The following MAPK14 variants were observed in gnomAD, a reference collection of about 807,000 sequenced individuals.
MAPK14 encodes CSAID-binding protein.
A neutral mutation model predicts 49.6 loss-of-function variants in MAPK14; 16 were observed. That is an observed-to-expected ratio of 0.32 (90% CI 0.22 to 0.49). The LOEUF (loss-of-function observed/expected upper bound fraction) is 0.49, where lower values mean the gene tolerates loss of function less well. Ranked by LOEUF, MAPK14 falls within the 20% of genes least tolerant of loss-of-function variation. MAPK14 has a pLI of 0.99. For synonymous variants in MAPK14, 142 were observed against 158.0 expected (o/e 0.90, Z 0.76); for missense variants, 200 against 441.2 (o/e 0.45, Z 4.90).
At chr6:36,112,328 C>T (rs1479263673), downstream of MAPK14, among the ~76,000 whole-genome samples, 1 of 152,164 alleles carries the variant, frequency 6.6e-6, no homozygotes, top group Non-Finnish European at 1.5e-5. Flanking sequence ...CCAAAGAGAG[C>T]TGACACCACA....
At chr6:36,093,180 G>A (rs1412338065) in intron 8 of MAPK14, among the ~76,000 whole-genome samples, 1 of 152,178 alleles carries the variant, frequency 6.6e-6, no homozygotes, top group Non-Finnish European at 1.5e-5. Flanking sequence ...AATATCTGAT[G>A]TGAGTTGAAG....
Position 36,028,344 on chromosome 6 carries a change from A to G in MAPK14, c.116+71A>G. 9.3e-7 allele frequency: 1 copy of G among 1,078,954 alleles called. No individual in the cohort carries two copies. The highest frequency in any genetic ancestry group is 1.4e-6 in the Non-Finnish European group (1 of 704,328). The allele number at this position is 1,078,954 out of a possible 1,614,324, so 66.8% of individuals were successfully genotyped here. A position where few individuals can be genotyped will look rare whatever the true frequency, so the allele number is the denominator to read the frequency against. ...CGCGCCCGAGGGCCAGGCCTGCTCC[A>G]CTGCTCAGCGTTGCGTCAAGTGGCA... On this transcript the variant is annotated intron_variant, in intron 1 of 11. Coordinates refer to ENST00000229794, the MANE Select transcript of MAPK14 (RefSeq NM_139012.3). The surrounding 1 kb of genome is among the most constrained non-coding windows in gnomAD (Gnocchi z 5.1).
Position 36,028,351 on chromosome 6 carries a change from A to G in MAPK14, c.116+78A>G, listed in dbSNP as rs1332470486. 6 of 1,001,462 alleles carry G rather than the reference A, an allele frequency of 6.0e-6. No individual in the cohort carries two copies. The highest frequency in any genetic ancestry group is 9.3e-6 in the Non-Finnish European group (6 of 648,032). 62.0% of individuals were successfully genotyped at this position (1,001,462 alleles called of 1,614,324 possible). A position where few individuals can be genotyped will look rare whatever the true frequency, so the allele number is the denominator to read the frequency against. On this transcript the variant is annotated intron_variant, in intron 1 of 11. Transcript: ENST00000229794. This position sits in a 1 kb window ranked among gnomAD's most constrained non-coding sequence, Gnocchi z 5.1. ...GAGGGCCAGGCCTGCTCCACTGCTCAGCGTTGCGTCAAGTGGCAGGAATTT... is the reference window on the plus strand; with the variant it reads ...GAGGGCCAGGCCTGCTCCACTGCTCGGCGTTGCGTCAAGTGGCAGGAATTT...
Position 36,108,803 on chromosome 6 carries a change from C to T in MAPK14, c.*356C>T, listed in dbSNP as rs199950602. On this transcript the variant is annotated 3_prime_UTR_variant, in exon 12 of 12. Transcript: ENST00000229794. ...AAAAAAATATGAATTGTCCCCAATC[C>T]CGGTCATGCTTTTGCCACTTTGGCT... 33 of 244,202 alleles carry T rather than the reference C, an allele frequency of 1.4e-4. No homozygotes were observed. The highest frequency in any genetic ancestry group is 2.6e-4 in the Non-Finnish European group (32 of 122,202). 15.1% of individuals were successfully genotyped at this position (244,202 alleles called of 1,614,324 possible). A position where few individuals can be genotyped will look rare whatever the true frequency, so the allele number is the denominator to read the frequency against.
intron 9 of MAPK14, chr6:36,100,419 G>A (rs528232839): frequency 3.1e-6 from 2 of 647,942 alleles, no homozygotes; most frequent in Non-Finnish European, 5.7e-6. Flanking sequence ...TGACTTTTGG[G>A]ATAAAATGTC....
chr6:36,063,538 A>G (rs1763915669), intron 3 of MAPK14, among the ~76,000 whole-genome samples: 1 of 152,216 alleles, frequency 6.6e-6, no homozygotes, highest in South Asian at 2.1e-4. Flanking sequence ...ATATTGAACC[A>G]TGATTGCGCC....
chr6:36,104,648 A>G (rs545579666), intron 10 of MAPK14, among the ~76,000 whole-genome samples: 44 of 152,154 alleles, frequency 2.9e-4, no homozygotes, highest in Admixed American at 2.4e-3. Flanking sequence ...CGGCCTCCCA[A>G]AGTGCTGGGA....
At chr6:36,048,398 A>G (rs142243266) in intron 1 of MAPK14, among the ~76,000 whole-genome samples, 214 of 152,026 alleles carry the variant, frequency 1.4e-3, no homozygotes, top group Non-Finnish European at 2.2e-3. Flanking sequence ...GCTGATCTCA[A>G]ACTTCTGGGC....
At chr6:36,045,940 G>A (rs542440350) in intron 1 of MAPK14, among the ~76,000 whole-genome samples, 7 of 151,554 alleles carry the variant, frequency 4.6e-5, no homozygotes, top group Non-Finnish European at 8.8e-5. Context: ...ATTCCAGTCT[G>A]CTTTAAATCC....
the MAPK14 span, among the ~76,000 whole-genome samples, chr6:36,121,430 C>T: frequency 6.6e-6 from 1 of 152,202 alleles, no homozygotes; most frequent in African/African-American, 2.4e-5. Context: ...GCTGGAGCAC[C>T]CTCTTTCCAG....
intron 8 of MAPK14, among the ~76,000 whole-genome samples, chr6:36,083,681 G>T (rs1764857196): frequency 6.6e-6 from 1 of 152,210 alleles, no homozygotes; most frequent in Non-Finnish European, 1.5e-5. Context: ...CCAGCCAGGG[G>T]TTTACAGACA....
intron 8 of MAPK14, among the ~76,000 whole-genome samples, chr6:36,082,261 A>G (rs1008129604): frequency 3.9e-5 from 6 of 152,302 alleles, no homozygotes; most frequent in South Asian, 2.1e-4. Context: ...TTCTGCTACA[A>G]TGCTGAATAG....
chr6:36,053,957 C>T (rs1326512289), intron 2 of MAPK14, among the ~76,000 whole-genome samples: 1 of 151,998 alleles, frequency 6.6e-6, no homozygotes, highest in Admixed American at 6.6e-5. Flanking sequence ...CAGACAACTT[C>T]TATTCCTGAG....
chr6:36,054,596 C>T (rs780480459), intron 2 of MAPK14, among the ~76,000 whole-genome samples: 4 of 152,146 alleles, frequency 2.6e-5, no homozygotes, highest in Non-Finnish European at 5.9e-5. Context: ...GGCTGAATGT[C>T]TCATAGTTCT....
Position 36,077,347 on chromosome 6 carries a change from TTAAAA to T in MAPK14, c.682+742_682+746del, listed in dbSNP as rs1417661102. Among the ~76,000 whole-genome samples, 28 of 152,306 alleles carry T rather than the reference TTAAAA, an allele frequency of 1.8e-4. No individual in the cohort carries two copies. The South Asian group carries it at 5.6e-3, about 30-fold the overall frequency. On this transcript the variant is annotated intron_variant, in intron 8 of 11. Coordinates refer to ENST00000229794, the MANE Select transcript of MAPK14 (RefSeq NM_139012.3). Reference sequence around the variant, plus strand: ...GAAGATGTTTAGGTGAGAAAGATTGTTAAAATATATGTCTAGAATTAGTTTTGGGG... The same window carrying T: ...GAAGATGTTTAGGTGAGAAAGATTGTTATATGTCTAGAATTAGTTTTGGGG...
chr6:36,073,119 A>G (rs1280179147), intron 4 of MAPK14, 135 bp downstream of exon 4: 1 of 667,468 alleles, frequency 1.5e-6, no homozygotes, highest in Non-Finnish European at 2.7e-6. Context: ...AAGGTCATAT[A>G]GTACAGTAAA....
chr6:36,108,260 T>G (rs986799309), intron 11 of MAPK14, 120 bp from the exon 12 acceptor site: 1 of 726,152 alleles, frequency 1.4e-6, no homozygotes, highest in African/African-American at 1.7e-5. Flanking sequence ...AGCTGTGAGG[T>G]AGCCCATCAA....
rs1403046982 is a variant in MAPK14 at position 36,027,928 on chromosome 6, C to G, written c.-230C>G. 1 of 416,126 alleles carries G rather than the reference C, an allele frequency of 2.4e-6. No individual in the cohort carries two copies. Among genetic ancestry groups the G allele is most frequent in the Non-Finnish European group, 4.2e-6 (1 of 238,760 alleles). The allele number at this position is 416,126 out of a possible 1,614,324, so 25.8% of individuals were successfully genotyped here. ...GGGCGCAGTCTTGAGCGCCGGAGCG[C>G]GTCCCTGCCCTTAGCGGGGCTTGCC... On this transcript the variant is annotated 5_prime_UTR_variant, in exon 1 of 12. Coordinates refer to ENST00000229794, the MANE Select transcript of MAPK14 (RefSeq NM_139012.3).
chr6:36,093,179 T>C (rs1260168693), intron 8 of MAPK14, among the ~76,000 whole-genome samples: 1 of 152,140 alleles, frequency 6.6e-6, no homozygotes, highest in African/African-American at 2.4e-5. Flanking sequence ...GAATATCTGA[T>C]GTGAGTTGAA....
Sources: gnomAD v4.1 joint callset for allele counts (sites outside exome capture counted in the v4.1 genomes callset) on GRCh38, gnomAD v4.1.1 for gene constraint, Gnocchi (gnomAD v3.1) non-coding constraint, MANE v1.5 for transcripts, NCBI Gene and HGNC (gene_info 2026-07-23, HGNC 2026-07-21) for gene names.